The following GSG1L variants were observed in gnomAD, a reference collection of about 807,000 sequenced individuals.
GSG1L encodes GSG1 like.
GSG1L carries 24 observed loss-of-function variants against 42.1 expected under a neutral mutation model. That is an observed-to-expected ratio of 0.57 (90% CI 0.41 to 0.80). The LOEUF (loss-of-function observed/expected upper bound fraction) is 0.80. Ranked by LOEUF, GSG1L falls within the 30% of genes least tolerant of loss-of-function variation. GSG1L has a pLI of 0.00. For synonymous variants in GSG1L, 215 were observed against 203.5 expected, an observed-to-expected ratio of 1.06 and a Z score of -0.48; for missense variants, 445 against 472.2, an observed-to-expected ratio of 0.94 and a Z score of 0.53.
At chr16:27,888,545 T>C (rs376670305) in intron 2 of GSG1L, among the ~76,000 whole-genome samples, 4 of 20,362 alleles carry the variant, frequency 2.0e-4, no homozygotes, top group Non-Finnish European at 3.7e-4. Context: ...CTTTCTTTCT[T>C]TCTTTCTTTC....
At chr16:28,053,895 G>A (rs1277797692) in intron 1 of GSG1L, among the ~76,000 whole-genome samples, 4 of 151,984 alleles carry the variant, frequency 2.6e-5, no homozygotes, top group Non-Finnish European at 2.9e-5. Context: ...CTCCCTTTGC[G>A]TCTTCTCATC....
chr16:27,942,768 G>C (rs894396120), intron 2 of GSG1L, among the ~76,000 whole-genome samples: 2 of 152,222 alleles, frequency 1.3e-5, no homozygotes, highest in South Asian at 2.1e-4. Flanking sequence ...TGAATGCCAA[G>C]TATTGTCAAG....
At chr16:27,902,647 G>A (rs562102956) in intron 2 of GSG1L, among the ~76,000 whole-genome samples, 1 of 152,320 alleles carries the variant, frequency 6.6e-6, no homozygotes, top group East Asian at 1.9e-4. Context: ...AGGGAGGGAT[G>A]GGGAGGGGAC....
intron 1 of GSG1L, among the ~76,000 whole-genome samples, chr16:28,031,406 G>T (rs1359886370): frequency 6.7e-6 from 1 of 149,946 alleles, no homozygotes; most frequent in Non-Finnish European, 1.5e-5. Context: ...GGGATAGGTT[G>T]GGATGGGATG....
chr16:28,053,229 G>A (rs1413760586), intron 1 of GSG1L, among the ~76,000 whole-genome samples: 3 of 152,244 alleles, frequency 2.0e-5, no homozygotes, highest in Admixed American at 6.5e-5. Context: ...TTGACTTAGG[G>A]AGAAGCTGCT....
At chr16:27,970,805 CTTATCCATT>C (rs2085186301) in intron 1 of GSG1L, among the ~76,000 whole-genome samples, 2 of 152,016 alleles carry the variant, frequency 1.3e-5, no homozygotes, top group Non-Finnish European at 1.5e-5. Flanking sequence ...ATTTATGTCT[CTTATCCATT>C]TAGAGATGAT....
chr16:27,818,390 G>A (rs1338686285), intron 5 of GSG1L, among the ~76,000 whole-genome samples: 2 of 152,106 alleles, frequency 1.3e-5, no homozygotes, highest in Non-Finnish European at 2.9e-5. Context: ...GCTGGCTGAC[G>A]ATCCGATCAC....
At chr16:27,986,456 A>G (rs970242574) in intron 1 of GSG1L, among the ~76,000 whole-genome samples, 2 of 150,298 alleles carry the variant, frequency 1.3e-5, no homozygotes, top group African/African-American at 4.9e-5. Context: ...CAGTGAGCTG[A>G]GATCACACCA....
At chr16:27,847,585 T>C (rs1567484149) in intron 3 of GSG1L, among the ~76,000 whole-genome samples, 1 of 152,224 alleles carries the variant, frequency 6.6e-6, no homozygotes. Context: ...AGCTTCCAGC[T>C]CTGTCACTGA....
At chr16:27,913,893 A>C (rs893612439) in intron 2 of GSG1L, among the ~76,000 whole-genome samples, 4 of 152,212 alleles carry the variant, frequency 2.6e-5, no homozygotes. Flanking sequence ...GCTTATCGGA[A>C]AGAATTTGAA....
In GSG1L at chr16:28,058,089, G is replaced by A. The variant is rs76865739; in HGVS notation, c.349+4987C>T. 1.6e-3 allele frequency among the ~76,000 whole-genome samples: 250 copies of A among 152,348 alleles called. 8 individuals carry two copies. The East Asian group carries it at 0.039, about 24-fold the overall frequency. ...CTCCAGATGCAGTGCTCCGCCCAACGAGCCTGGTTGGAGGAACAAAGGGAG... is the reference window on the plus strand; with the variant it reads ...CTCCAGATGCAGTGCTCCGCCCAACAAGCCTGGTTGGAGGAACAAAGGGAG... On this transcript the variant is annotated intron_variant, in intron 1 of 6. Transcript: ENST00000447459.
intron 1 of GSG1L, among the ~76,000 whole-genome samples, chr16:27,979,881 G>A (rs559440845): frequency 1.8e-4 from 28 of 151,790 alleles, no homozygotes; most frequent in Middle Eastern, 3.4e-3. Context: ...AGGAAAGAAA[G>A]AAACGAAGGA....
chr16:28,019,741 G>A (rs2085818026), intron 1 of GSG1L, among the ~76,000 whole-genome samples: 1 of 152,192 alleles, frequency 6.6e-6, no homozygotes, highest in African/African-American at 2.4e-5. Flanking sequence ...CAGCAGCAAA[G>A]CACTCAGAGA....
chr16:27,796,983 C>A (rs910359746), intron 6 of GSG1L, among the ~76,000 whole-genome samples: 4 of 152,204 alleles, frequency 2.6e-5, no homozygotes, highest in African/African-American at 9.6e-5. Flanking sequence ...ACCAGACATG[C>A]CTCCCACTCC....
At chr16:27,829,282 G>A (rs562475881) in intron 4 of GSG1L, among the ~76,000 whole-genome samples, 60 of 152,288 alleles carry the variant, frequency 3.9e-4, no homozygotes, top group African/African-American at 1.4e-3. Flanking sequence ...GGTAAGGAGA[G>A]TGAGAGTTGG....
intron 6 of GSG1L, among the ~76,000 whole-genome samples, chr16:27,794,484 C>T (rs1315384005): frequency 1.3e-5 from 2 of 152,076 alleles, no homozygotes; most frequent in Non-Finnish European, 2.9e-5. Flanking sequence ...GCACCTGCTA[C>T]CACGCCCAGC....
chr16:27,801,614 C>T (rs1004102110), intron 6 of GSG1L, among the ~76,000 whole-genome samples: 1 of 152,192 alleles, frequency 6.6e-6, no homozygotes, highest in African/African-American at 2.4e-5. Context: ...CATTTCCATA[C>T]TCATTTGATC....
intron 3 of GSG1L, among the ~76,000 whole-genome samples, chr16:27,873,367 A>G (rs933910671): frequency 6.6e-6 from 1 of 152,182 alleles, no homozygotes. Flanking sequence ...AGAAATATGA[A>G]TGGATTTGAT....
At chr16:27,888,104 T>G in intron 2 of GSG1L, 1 of 985,458 alleles carries the variant, frequency 1.0e-6, no homozygotes, top group Non-Finnish European at 1.2e-6. Flanking sequence ...CAGCCCCTGT[T>G]GGTGCTGGCA....
Sources: gnomAD v4.1 joint callset for allele counts (sites outside exome capture counted in the v4.1 genomes callset) on GRCh38, gnomAD v4.1.1 for gene constraint, MANE v1.5 for transcripts, NCBI Gene and HGNC (gene_info 2026-07-23, HGNC 2026-07-21) for gene names.